The following DACH2 variants were observed in gnomAD, a reference collection of about 807,000 sequenced individuals.
DACH2 encodes the protein dachshund family transcription factor 2.
In DACH2, 17 loss-of-function variants were observed where a neutral mutation model predicts 35.8. The ratio of observed to expected loss-of-function variants is 0.48; its 90% confidence interval spans 0.33 to 0.71. The LOEUF (loss-of-function observed/expected upper bound fraction) is 0.71, where lower values mean the gene tolerates loss of function less well. Among genes scored for constraint, DACH2 ranks in the 30% least tolerant of loss-of-function variants. DACH2 has a pLI of 0.02. For missense variants in DACH2, 469 were observed against 472.7 expected (o/e 0.99, Z 0.07); for synonymous variants, 195 against 177.3 (o/e 1.10, Z -0.79).
chrX:86,802,528 G>GAAAAAAA (rs34700295), intron 7 of DACH2, among the ~76,000 whole-genome samples: 1 of 63,179 alleles, frequency 1.6e-5, no homozygotes, highest in African/African-American at 5.7e-5. Flanking sequence ...TTTCTTGGTT[G>GAAAAAAA]AAAAAAAAAA....
At chrX:86,454,829 A>T (rs1295815717) in intron 2 of DACH2, among the ~76,000 whole-genome samples, 1 of 112,008 alleles carries the variant, frequency 8.9e-6, no homozygotes, top group African/African-American at 3.2e-5. Context: ...CAGGTGTTAC[A>T]GTCATTTGAA....
At chrX:86,731,160 T>G (rs1372031770) in intron 6 of DACH2, among the ~76,000 whole-genome samples, 1 of 111,364 alleles carries the variant, frequency 9.0e-6, no homozygotes, top group African/African-American at 3.3e-5. Context: ...TTATTATTTT[T>G]GGGCCAGCAT....
chrX:86,375,681 G>C (rs1297145204), intron 1 of DACH2, among the ~76,000 whole-genome samples: 1 of 107,408 alleles, frequency 9.3e-6, no homozygotes, highest in Non-Finnish European at 1.9e-5. Flanking sequence ...CGTAAGAGTA[G>C]GTGAAAAAAG....
At chrX:86,506,272 C>T (rs189141457) in intron 2 of DACH2, among the ~76,000 whole-genome samples, 74 of 111,991 alleles carry the variant, frequency 6.6e-4, no homozygotes, top group African/African-American at 2.3e-3. Context: ...TTGCTGTTTC[C>T]TTACTGGCTG....
chrX:86,402,775 T>G (rs1230009681), intron 2 of DACH2, among the ~76,000 whole-genome samples: 1 of 111,912 alleles, frequency 8.9e-6, no homozygotes, highest in African/African-American at 3.2e-5. Context: ...CAACCTGACT[T>G]TAAACTGTTC....
chrX:86,674,740 G>T (rs1404109748), intron 4 of DACH2, among the ~76,000 whole-genome samples: 1 of 111,356 alleles, frequency 9.0e-6, no homozygotes, highest in African/African-American at 3.3e-5. Context: ...GAAAATACAG[G>T]ATTTCTGCTT....
chrX:86,786,050 T>C (rs2042134021), intron 7 of DACH2, among the ~76,000 whole-genome samples: 1 of 110,768 alleles, frequency 9.0e-6, no homozygotes, highest in Non-Finnish European at 1.9e-5. Flanking sequence ...AGAAAAGAAA[T>C]TGGAATACTG....
intron 6 of DACH2, among the ~76,000 whole-genome samples, chrX:86,715,834 A>G (rs2041330183): frequency 9.0e-6 from 1 of 111,308 alleles, no homozygotes; most frequent in Admixed American, 9.7e-5. Flanking sequence ...GGAAGGCATT[A>G]TAGTTGATGG....
chrX:86,237,900 G>C (rs1430896358), intron 1 of DACH2, among the ~76,000 whole-genome samples: 1 of 112,010 alleles, frequency 8.9e-6, no homozygotes, highest in Non-Finnish European at 1.9e-5. Context: ...GAGCCCCAAA[G>C]AGACTGTCAC....
At chrX:86,719,879 A>G (rs1026137709) in intron 6 of DACH2, among the ~76,000 whole-genome samples, 5 of 109,350 alleles carry the variant, frequency 4.6e-5, no homozygotes, top group African/African-American at 1.7e-4. Flanking sequence ...TCACATTTCC[A>G]AACACAATCA....
intron 1 of DACH2, among the ~76,000 whole-genome samples, chrX:86,183,996 G>C (rs1217865384): frequency 9.0e-6 from 1 of 111,295 alleles, no homozygotes; most frequent in Non-Finnish European, 1.9e-5. Context: ...ATGGTAGTTT[G>C]TATTTCTGTG....
At chrX:86,170,529 A>T (rs1766226168) in intron 1 of DACH2, among the ~76,000 whole-genome samples, 1 of 111,760 alleles carries the variant, frequency 8.9e-6, no homozygotes, top group Non-Finnish European at 1.9e-5. Context: ...GTTCTATTGT[A>T]TTGTGGCTGA....
intron 2 of DACH2, among the ~76,000 whole-genome samples, chrX:86,486,314 GTTT>G (rs933116454): frequency 9.0e-6 from 1 of 110,900 alleles, no homozygotes; most frequent in African/African-American, 3.3e-5. Flanking sequence ...TTTTTTGTTA[GTTT>G]TCTTCTATCA....
intron 2 of DACH2, among the ~76,000 whole-genome samples, chrX:86,429,811 C>A (rs757318587): frequency 4.5e-5 from 5 of 111,945 alleles, no homozygotes; most frequent in Admixed American, 3.8e-4. Context: ...AATCTGCCTG[C>A]CTCAGCCTCC....
At chrX:86,762,063 C>T (rs1242172697) in intron 7 of DACH2, among the ~76,000 whole-genome samples, 1 of 111,144 alleles carries the variant, frequency 9.0e-6, no homozygotes, top group African/African-American at 3.3e-5. Context: ...GTACCAGATG[C>T]GTCCAGTCAG....
intron 7 of DACH2, among the ~76,000 whole-genome samples, chrX:86,758,573 A>T (rs1310676021): frequency 9.0e-6 from 1 of 111,675 alleles, no homozygotes; most frequent in Non-Finnish European, 1.9e-5. Flanking sequence ...GTTTTAATCC[A>T]TTGTGGTTTG....
chrX:86,744,506 C>A (rs2041690641), intron 7 of DACH2, among the ~76,000 whole-genome samples: 1 of 111,581 alleles, frequency 9.0e-6, no homozygotes, highest in Admixed American at 9.6e-5. Flanking sequence ...TGAGTATCAT[C>A]ATGATTTTAA....
chrX:86,211,621 GT>G, intron 1 of DACH2, among the ~76,000 whole-genome samples: 1 of 111,586 alleles, frequency 9.0e-6, no homozygotes, highest in East Asian at 2.8e-4. Flanking sequence ...GGTATTCATA[GT>G]TTTAACTCCC....
At chrX:86,465,841 T>G (rs755437414) in intron 2 of DACH2, among the ~76,000 whole-genome samples, 1 of 112,136 alleles carries the variant, frequency 8.9e-6, no homozygotes, top group Admixed American at 9.5e-5. Context: ...CATGAAAACT[T>G]TGAAAGACTC....
Sources: allele counts gnomAD v4.1 joint callset (sites outside exome capture counted in the v4.1 genomes callset), GRCh38; gene constraint gnomAD v4.1.1; transcripts MANE v1.5; gene names NCBI Gene and HGNC (gene_info 2026-07-23, HGNC 2026-07-21).